UGT2B15: variants seen among roughly 807,000 people sequenced by gnomAD.
The protein encoded by UGT2B15 is UDP glucuronosyltransferase family 2 member B15, also known as UDP-glucuronosyltransferase 2B15.
UGT2B15 carries 36 observed loss-of-function variants against 45.9 expected under a neutral mutation model. That is an observed-to-expected ratio of 0.78 (90% CI 0.60 to 1.04). UGT2B15 has a LOEUF of 1.04. Ranked by LOEUF, UGT2B15 falls within the 50% of genes least tolerant of loss-of-function variation. UGT2B15 has a pLI of 0.00. For missense variants in UGT2B15, 617 were observed against 622.4 expected, an observed-to-expected ratio of 0.99 and a Z score of 0.09; for synonymous variants, 219 against 216.4, an observed-to-expected ratio of 1.01 and a Z score of -0.11.
Position 68,647,081 on chromosome 4 carries a change from T to C in UGT2B15, c.*23A>G, listed in dbSNP as rs759806001. The C allele has an allele frequency of 6.3e-7, 1 of 1,596,832 alleles. No individual in the cohort carries two copies. The highest frequency in any genetic ancestry group is 8.5e-7 in the Non-Finnish European group (1 of 1,169,786). ...AGGAGGAGTCCCATCTTTCAGTCAT[T>C]CCACTTCAGGCTTTTGATATAACTA... On this transcript the variant is annotated 3_prime_UTR_variant, in exon 6 of 6. Transcript: ENST00000338206.
intron 2 of UGT2B15, among the ~76,000 whole-genome samples, chr4:68,667,512 C>T (rs558117107): frequency 5.3e-5 from 8 of 152,096 alleles, no homozygotes; most frequent in Admixed American, 1.3e-4. Flanking sequence ...AACCCCTCAT[C>T]GTTTCACCTA....
chr4:68,669,591 C>CT lies in UGT2B15; in HGVS notation c.724+303dup, dbSNP rs199934576. ...AGATGTTTCTTGAGGTATCTATTGA[C>CT]TTTTTTTAAAGATGAAAAAATGTAT... On this transcript the variant is annotated intron_variant, in intron 1 of 5. Transcript: ENST00000338206. Among the ~76,000 whole-genome samples, 1,464 of 152,058 alleles carry CT rather than the reference C, an allele frequency of 9.6e-3. 24 individuals carry two copies. The highest frequency in any genetic ancestry group is 0.033 in the African/African-American group (1,388 of 41,460).
intron 5 of UGT2B15, among the ~76,000 whole-genome samples, chr4:68,650,236 T>G (rs1464357806): frequency 6.6e-6 from 1 of 152,042 alleles, no homozygotes; most frequent in African/African-American, 2.4e-5. Flanking sequence ...CATGGTGGTT[T>G]GCAGCACCGA....
chr4:68,651,813 C>A (rs1456501118), intron 5 of UGT2B15, among the ~76,000 whole-genome samples: 1 of 152,000 alleles, frequency 6.6e-6, no homozygotes, highest in Non-Finnish European at 1.5e-5. Flanking sequence ...CATGATGCCT[C>A]CAGCTTTGTT....
chr4:68,668,496 A>T (rs1733207697), intron 1 of UGT2B15, among the ~76,000 whole-genome samples: 1 of 151,832 alleles, frequency 6.6e-6, no homozygotes. Context: ...AGTCACTAAT[A>T]TGGTTTGACT....
chr4:68,663,716 A>G (rs1733033082), intron 2 of UGT2B15, among the ~76,000 whole-genome samples: 1 of 151,930 alleles, frequency 6.6e-6, no homozygotes, highest in Admixed American at 6.6e-5. Context: ...TATTTCACTT[A>G]AAGTTAGGGT....
At position 68,668,077 on chromosome 4, in the gene UGT2B15, C is replaced by T. The variant is rs1406911053; in HGVS notation, c.836G>A (p.Gly279Glu). Residue 279 changes from glycine to glutamate, a missense_variant, in exon 2 of 6, where the codon GGA becomes GAA. Physicochemically the swap from Gly to Glu is moderately conservative, Grantham distance 98. Transcript: ENST00000338206. Reference protein sequence around the residue: ...RPFLPNVDFVGGLHCKPAKPL... With the variant: ...RPFLPNVDFVEGLHCKPAKPL... Reference sequence around the variant, plus strand: ...TTTGGCTGGTTTACAGTGAAGTCCTCCAACAAAATCAACATTTGGTAAGAA... The same window carrying T: ...TTTGGCTGGTTTACAGTGAAGTCCTTCAACAAAATCAACATTTGGTAAGAA... The T allele has an allele frequency of 1.2e-6, 2 of 1,613,912 alleles. No homozygotes were observed. Among genetic ancestry groups the T allele is most frequent in the Admixed American group, 1.7e-5 (1 of 59,990 alleles).
In UGT2B15 at chr4:68,647,215, C is replaced by T. The variant is rs191582403; in HGVS notation, c.1482G>A (p.Val494=). Reference sequence around the variant, plus strand: ...CCACGCAGGCCAGCAGGAATGCTATCACATCCAAAGAGTGGTACTGGATCC... The same window carrying T: ...CCACGCAGGCCAGCAGGAATGCTATTACATCCAAAGAGTGGTACTGGATCC... ...LTWIQYHSLD[V]IAFLLACVAT... Residue 494 remains valine (V), a synonymous_variant, in exon 6 of 6, where the codon GTG becomes GTA. Transcript: ENST00000338206. The T allele has an allele frequency of 1.2e-4, 200 of 1,613,930 alleles. No homozygotes were observed. The East Asian group carries it at 4.2e-3, about 34-fold the overall frequency.
chr4:68,661,546 G>T (rs1225477102), intron 3 of UGT2B15, among the ~76,000 whole-genome samples: 3 of 151,950 alleles, frequency 2.0e-5, no homozygotes, highest in Non-Finnish European at 2.9e-5. Context: ...ATTTTTGAGT[G>T]ATATGAGAAG....
Position 68,647,054 on chromosome 4 carries a change from A to G in UGT2B15, c.*50T>C, listed in dbSNP as rs1212096381. 1 of 1,563,354 alleles carries G rather than the reference A, an allele frequency of 6.4e-7. No homozygotes were observed. Among genetic ancestry groups the G allele is most frequent in the East Asian group, 2.3e-5 (1 of 44,442 alleles). On this transcript the variant is annotated 3_prime_UTR_variant, in exon 6 of 6. Transcript: ENST00000338206. ...CATTTAAAACCCTCCATGCTGAAAT[A>G]AAGGAGGAGTCCCATCTTTCAGTCA... is the stretch of plus-strand genomic sequence containing the variant.
intron 1 of UGT2B15, 34 bp downstream of exon 1, chr4:68,669,861 A>C (rs1733248389): frequency 6.4e-7 from 1 of 1,562,478 alleles, no homozygotes; most frequent in Non-Finnish European, 8.6e-7. Context: ...GAAAAGTTAG[A>C]ACTTAATAAG....
intron 5 of UGT2B15, among the ~76,000 whole-genome samples, chr4:68,648,262 C>T (rs978783816): frequency 2.0e-5 from 3 of 152,100 alleles, no homozygotes; most frequent in South Asian, 2.1e-4. Context: ...CAGGCACCTA[C>T]TTGTCCTAGC....
intron 5 of UGT2B15, among the ~76,000 whole-genome samples, chr4:68,649,357 C>T (rs1413330743): frequency 7.2e-6 from 1 of 138,652 alleles, no homozygotes; most frequent in Non-Finnish European, 1.5e-5. Context: ...TGGCTGACTG[C>T]AATTTGCATC....
chr4:68,648,980 A>T (rs1018496955), intron 5 of UGT2B15, among the ~76,000 whole-genome samples: 5 of 151,994 alleles, frequency 3.3e-5, no homozygotes, highest in African/African-American at 1.2e-4. Flanking sequence ...AGATATTTGT[A>T]TATTTTATTA....
At chr4:68,657,331 T>C (rs184062562) in intron 3 of UGT2B15, among the ~76,000 whole-genome samples, 42 of 152,170 alleles carry the variant, frequency 2.8e-4, no homozygotes, top group African/African-American at 9.6e-4. Context: ...GAAACACATA[T>C]GAGGGCAGAT....
At chr4:68,661,171 G>C (rs535087384) in intron 3 of UGT2B15, among the ~76,000 whole-genome samples, 3 of 151,918 alleles carry the variant, frequency 2.0e-5, no homozygotes, top group African/African-American at 7.3e-5. Flanking sequence ...AAATGTAAAA[G>C]GAAAATAAGC....
chr4:68,665,796 C>A (rs1419410828), intron 2 of UGT2B15, among the ~76,000 whole-genome samples: 1 of 152,124 alleles, frequency 6.6e-6, no homozygotes, highest in African/African-American at 2.4e-5. Context: ...CTTGTAATCC[C>A]AGCACTTTGG....
chr4:68,648,511 G>C (rs920408569), intron 5 of UGT2B15, among the ~76,000 whole-genome samples: 10 of 152,156 alleles, frequency 6.6e-5, no homozygotes, highest in East Asian at 3.9e-4. Context: ...GATTTCTCTA[G>C]TGCTTCATGC....
At chr4:68,666,392 G>A (rs1340586956) in intron 2 of UGT2B15, among the ~76,000 whole-genome samples, 3 of 152,104 alleles carry the variant, frequency 2.0e-5, no homozygotes, top group Non-Finnish European at 2.9e-5. Context: ...CTAATTTAAA[G>A]TATTAAAAAT....
Sources: gnomAD v4.1 joint callset for allele counts (sites outside exome capture counted in the v4.1 genomes callset) on GRCh38, gnomAD v4.1.1 for gene constraint, MANE v1.5 for transcripts, NCBI Gene and HGNC (gene_info 2026-07-23, HGNC 2026-07-21) for gene names.